The following MYL5 variants were observed in gnomAD, a reference collection of about 807,000 sequenced individuals.
The protein encoded by MYL5 is myosin regulatory light chain 5.
Under a neutral mutation model 20.8 loss-of-function variants are expected in MYL5, and 28 were observed. That is an observed-to-expected ratio of 1.35 (90% confidence interval 1.00 to 1.84). The LOEUF (loss-of-function observed/expected upper bound fraction) is 1.84, where lower values mean the gene tolerates loss of function less well. Ranked by LOEUF, MYL5 falls within the 40% of genes most tolerant of loss-of-function variation. The pLI is 0.00. For missense variants in MYL5, 274 were observed against 227.3 expected, an observed-to-expected ratio of 1.21 and a Z score of -1.32; for synonymous variants, 118 against 87.4, an observed-to-expected ratio of 1.35 and a Z score of -1.95.
intron 6 of MYL5, among the ~76,000 whole-genome samples, chr4:681,515 C>A (rs1004086839): frequency 1.4e-4 from 21 of 150,322 alleles, no homozygotes; most frequent in African/African-American, 4.2e-4. Flanking sequence ...CCCCGCACCT[C>A]CCCCAGACCC....
chr4:675,884 T>A (rs1351653146), upstream of MYL5: 1 of 152,278 alleles, frequency 6.6e-6, no homozygotes, highest in Non-Finnish European at 1.5e-5. Flanking sequence ...TGAACTGAGG[T>A]GGAATAGTTT....
rs1407704272 is a variant in MYL5, at chr4:680,866, C to G, written c.372-226C>G. The G allele has an allele frequency of 1.9e-5, 12 of 644,062 alleles. No individual in the cohort carries two copies. The Admixed American group carries it at 3.2e-4, about 17-fold the overall frequency. The allele number at this position is 644,062 out of a possible 1,614,324, so 39.9% of individuals were successfully genotyped here. A position where few individuals can be genotyped will look rare whatever the true frequency, so the allele number is the denominator to read the frequency against. ...TAGGCGCCGGGGAAAGTACCAGGCGCTGGCCTGTAACCTCCTTCCGGCTCT... is the reference window on the plus strand; with the variant it reads ...TAGGCGCCGGGGAAAGTACCAGGCGGTGGCCTGTAACCTCCTTCCGGCTCT... On this transcript the variant is annotated intron_variant, in intron 5 of 6. Transcript: ENST00000400159.
chr4:681,339 C>T (rs1159286534), intron 6 of MYL5, among the ~76,000 whole-genome samples, 199 bp downstream of exon 8: 1 of 152,082 alleles, frequency 6.6e-6, no homozygotes, highest in Non-Finnish European at 1.5e-5. Flanking sequence ...GTTGGAGACC[C>T]CTCCCCTCCG....
intron 3 of MYL5, among the ~76,000 whole-genome samples, chr4:679,677 C>T (rs1739245264): frequency 6.6e-6 from 1 of 152,200 alleles, no homozygotes; most frequent in South Asian, 2.1e-4. Context: ...AGCACCTTCC[C>T]AGGCTCTGTG....
chr4:680,800 G>C (rs763612779), intron 5 of MYL5: 59 of 643,670 alleles, frequency 9.2e-5, no homozygotes, highest in Non-Finnish European at 1.3e-4. Flanking sequence ...TGGGGGTGGG[G>C]CGGCTTCCCC....
chr4:678,491 C>T (rs910154566), intron 1 of MYL5, 167 bp from the exon 4 acceptor site: 15 of 1,439,316 alleles, frequency 1.0e-5, no homozygotes, highest in Non-Finnish European at 1.3e-5. Context: ...GCCCCCAACC[C>T]CAGCTACCCA....
chr4:681,895 G>A (rs1040728365), exon 7 of MYL5: 9 of 1,315,282 alleles, frequency 6.8e-6, no homozygotes, highest in African/African-American at 3.0e-5. Context: ...GCCCGCAGGT[G>A]GACCAGATGT....
chr4:678,583 C>T, intron 1 of MYL5, 75 bp from the exon 4 acceptor site: 1 of 1,537,170 alleles, frequency 6.5e-7, no homozygotes, highest in Non-Finnish European at 8.8e-7. Context: ...TGAGTTAAGT[C>T]TCTCAAAACT....
Position 680,034 on chromosome 4 carries a change from GC to G in MYL5, c.292+17del. ...AAGCTGAGCGGTGAGCACCGGTGGG[GC>G]AGGCCTGGCCCTCCTAGCTAATTCC... On this transcript the variant is annotated intron_variant, in intron 4 of 6. Transcript: ENST00000400159. 6.3e-7 allele frequency: 1 copy of G among 1,583,826 alleles called. No homozygotes were observed. The highest frequency in any genetic ancestry group is 8.6e-7 in the Non-Finnish European group (1 of 1,156,990).
intron 5 of MYL5, 28 bp from the exon 8 acceptor site, chr4:681,064 C>A: frequency 4.4e-6 from 7 of 1,579,164 alleles, no homozygotes; most frequent in Non-Finnish European, 6.0e-6. Flanking sequence ...CCGCATCAGC[C>A]CGCGCTGACC....
At chr4:678,990 C>A in exon 3 of MYL5, 1 of 1,613,830 alleles carries the variant, frequency 6.2e-7, no homozygotes, top group Non-Finnish European at 8.5e-7. Context: ...ACCGAGATGG[C>A]TTCATTGACA....
In MYL5 at chr4:680,607, G is replaced by A. The variant is rs1047867039; in HGVS notation, c.371+20G>A. ...GGAGTAGTGAGTGCCCGGGCGGCCA[G>A]GGCGGCCCGGCTTCCGGGGAACCCC... is the stretch of plus-strand genomic sequence containing the variant. On this transcript the variant is annotated intron_variant, in intron 5 of 6. Transcript: ENST00000400159. 1 of 1,610,076 alleles carries A rather than the reference G, an allele frequency of 6.2e-7. No homozygotes were observed.
chr4:675,842 G>C (rs1738796029), upstream of MYL5: 1 of 152,232 alleles, frequency 6.6e-6, no homozygotes, highest in South Asian at 2.1e-4. Flanking sequence ...ACTTGGATCT[G>C]GATTGCGCTC....
chr4:680,494 G>C lies in MYL5; in HGVS notation c.293-15G>C. On this transcript the variant is annotated splice_polypyrimidine_tract_variant and intron_variant, in intron 4 of 6. Transcript: ENST00000400159. ...CCACCCTGACGGCCCTGGGCTGAAG[G>C]TGCCTTTGTGGCAGGTACCGACGCC... 6.2e-7 allele frequency: 1 copy of C among 1,613,490 alleles called. No individual in the cohort carries two copies. Among genetic ancestry groups the C allele is most frequent in the South Asian group, 1.1e-5 (1 of 91,084 alleles).
At chr4:681,362 C>T (rs1424486693) in intron 6 of MYL5, among the ~76,000 whole-genome samples, 1 of 152,002 alleles carries the variant, frequency 6.6e-6, no homozygotes. Context: ...AGATCAGCGG[C>T]TGGAGACCCC....
rs1375121615 is a variant in MYL5, at chr4:681,881, C to T, written c.421-12C>T. Reference sequence around the variant, plus strand: ...CGGAGCCCGCAAGGAGCCCTTTCGCCCCCGCCCGCAGGTGGACCAGATGTT... The same window carrying T: ...CGGAGCCCGCAAGGAGCCCTTTCGCTCCCGCCCGCAGGTGGACCAGATGTT... On this transcript the variant is annotated splice_polypyrimidine_tract_variant and intron_variant, in intron 6 of 6. Transcript: ENST00000400159. 3.8e-6 allele frequency: 5 copies of T among 1,313,464 alleles called. No individual in the cohort carries two copies. Among genetic ancestry groups the T allele is most frequent in the Non-Finnish European group, 3.9e-6 (4 of 1,022,038 alleles). 81.4% of individuals were successfully genotyped at this position (1,313,464 alleles called of 1,614,324 possible). A position where few individuals can be genotyped will look rare whatever the true frequency, so the allele number is the denominator to read the frequency against.
At chr4:676,931 A>G (rs1365786938), upstream of MYL5, 1 of 985,336 alleles carries the variant, frequency 1.0e-6, no homozygotes, top group East Asian at 1.1e-4. Context: ...GGCACCAGGC[A>G]GCATCTCAGG....
chr4:678,730 A>G, exon 2 of MYL5: 1 of 1,612,082 alleles, frequency 6.2e-7, no homozygotes. Flanking sequence ...TGTCTTCTCC[A>G]ACTTTGAGCA....
At chr4:681,871 G>C (rs766477242) in intron 6 of MYL5, 22 bp from the exon 9 acceptor site, 2 of 1,310,432 alleles carry the variant, frequency 1.5e-6, no homozygotes, top group Admixed American at 3.1e-5. Context: ...CCCGCAAGGA[G>C]CCCTTTCGCC....
Sources: allele counts gnomAD v4.1 joint callset (sites outside exome capture counted in the v4.1 genomes callset), GRCh38; gene constraint gnomAD v4.1.1; transcripts MANE v1.5; gene names NCBI Gene and HGNC (gene_info 2026-07-23, HGNC 2026-07-21).